The following RIN2 variants were observed in gnomAD, a reference collection of about 807,000 sequenced individuals.
RIN2 encodes Ras and Rab interactor 2.
Under a neutral mutation model 78.0 loss-of-function variants are expected in RIN2, and 36 were observed. The ratio of observed to expected loss-of-function variants is 0.46; its 90% CI spans 0.35 to 0.61. The LOEUF (loss-of-function observed/expected upper bound fraction) is 0.61, where lower values mean the gene tolerates loss of function less well. Among genes scored for constraint, RIN2 ranks in the 20% least tolerant of loss-of-function variants. RIN2 has a pLI of 0.00. For missense variants in RIN2, 1,087 were observed against 1,159.7 expected (o/e 0.94, Z 0.91); for synonymous variants, 466 against 466.8 (o/e 1.00, Z 0.02).
At position 19,871,624 on chromosome 20, in the gene RIN2, G is replaced by T. The variant is rs150897425; in HGVS notation, c.-36-17942G>T. 4.1e-3 allele frequency among the ~76,000 whole-genome samples: 620 copies of T among 152,296 alleles called. 2 individuals are homozygous for T. The highest frequency in any genetic ancestry group is 7.1e-3 in the Non-Finnish European group (481 of 68,030). Reference sequence around the variant, plus strand: ...GTTGGCTTGTTCTAGGTTTGGCTGGGAGTTAGGGCATGCATTGCCACGTGT... The same window carrying T: ...GTTGGCTTGTTCTAGGTTTGGCTGGTAGTTAGGGCATGCATTGCCACGTGT... On this transcript the variant is annotated intron_variant, in intron 2 of 12. Coordinates refer to ENST00000255006, the MANE Select transcript of RIN2 (RefSeq NM_018993.4).
rs538341600 is a variant in RIN2 at position 19,934,097 on chromosome 20, G to A, written c.58-1002G>A. Among the ~76,000 whole-genome samples the A allele has an allele frequency of 5.3e-5, 8 of 152,234 alleles. No homozygotes were observed. The East Asian group carries it at 1.4e-3, about 26-fold the overall frequency. On this transcript the variant is annotated intron_variant, in intron 3 of 12. Transcript: ENST00000255006. ...AGTGCTGGGATTACAGGCAAGAGCC[G>A]CTATGCCTGGCCAATGCTCTTAAAA...
chr20:19,849,738 T>C (rs1240387005), intron 2 of RIN2, among the ~76,000 whole-genome samples: 5 of 152,152 alleles, frequency 3.3e-5, no homozygotes, highest in African/African-American at 1.2e-4. Flanking sequence ...AGGAAATAGT[T>C]TTAAAAGGAA....
intron 2 of RIN2, among the ~76,000 whole-genome samples, chr20:19,810,026 G>A (rs1386386616): frequency 6.6e-6 from 1 of 151,842 alleles, no homozygotes; most frequent in African/African-American, 2.4e-5. Flanking sequence ...CCGGCTGACT[G>A]CAAGGCCAAG....
intron 2 of RIN2, among the ~76,000 whole-genome samples, chr20:19,820,918 T>TA (rs774394069): frequency 1.2e-4 from 19 of 152,200 alleles, no homozygotes; most frequent in Admixed American, 3.9e-4. Flanking sequence ...CCCACCAAGC[T>TA]ACCAAGGGTT....
At chr20:19,938,396 T>A (rs1334783344) in intron 4 of RIN2, among the ~76,000 whole-genome samples, 1 of 151,596 alleles carries the variant, frequency 6.6e-6, no homozygotes, top group African/African-American at 2.4e-5. Context: ...TTTTTTTTTT[T>A]AATTTTTGGT....
chr20:19,781,349 C>A (rs962389323), intron 1 of RIN2, among the ~76,000 whole-genome samples: 1 of 152,134 alleles, frequency 6.6e-6, no homozygotes, highest in East Asian at 1.9e-4. Context: ...AAGAGAACAT[C>A]GATAATGACT....
chr20:19,905,176 A>G (rs1400528438), intron 3 of RIN2, among the ~76,000 whole-genome samples: 1 of 152,124 alleles, frequency 6.6e-6, no homozygotes, highest in African/African-American at 2.4e-5. Context: ...CCGATTCAGA[A>G]TCTGCTCAGC....
chr20:19,791,252 A>G (rs2034881577), intron 1 of RIN2, among the ~76,000 whole-genome samples: 1 of 143,612 alleles, frequency 7.0e-6, no homozygotes, highest in Non-Finnish European at 1.5e-5. Context: ...ATGTATTTCT[A>G]AAACTACTGG....
chr20:19,886,740 C>A (rs183028833), intron 2 of RIN2: 2 of 1,545,652 alleles, frequency 1.3e-6, no homozygotes, highest in East Asian at 4.9e-5. Flanking sequence ...AGCTTCCAAC[C>A]GGTACAAGTC....
At position 19,912,797 on chromosome 20, in the gene RIN2, C is replaced by A. The variant is rs148356094; in HGVS notation, c.58-22302C>A. On this transcript the variant is annotated intron_variant, in intron 3 of 12. Transcript: ENST00000255006. ...ACCACGCCGGGATGGTCATTTCTAACCACCTTTTTGGGTGAACAGCAGGTT... is the reference window on the plus strand; with the variant it reads ...ACCACGCCGGGATGGTCATTTCTAAACACCTTTTTGGGTGAACAGCAGGTT... 1.6e-3 allele frequency among the ~76,000 whole-genome samples: 238 copies of A among 152,306 alleles called. 1 individual carries two copies. The highest frequency in any genetic ancestry group is 5.6e-3 in the African/African-American group (232 of 41,580).
intron 1 of RIN2, among the ~76,000 whole-genome samples, chr20:19,787,240 G>A (rs542629828): frequency 9.9e-5 from 15 of 152,044 alleles, no homozygotes; most frequent in Non-Finnish European, 1.5e-5. Context: ...GGCCAACATG[G>A]TGACACTCCA....
intron 3 of RIN2, among the ~76,000 whole-genome samples, chr20:19,906,503 C>G (rs938692852): frequency 6.6e-6 from 1 of 152,122 alleles, no homozygotes; most frequent in East Asian, 1.9e-4. Context: ...ACCTTGGATG[C>G]TTACAGGGGC....
rs114855946 is a variant in RIN2, at chr20:19,776,232, C to T, written c.-163+17905C>T. ...CCTCCTCCCTTTGGGAATTCAGGCA[C>T]AGCTGACCAACATTAACATCAACAC... is the stretch of plus-strand genomic sequence containing the variant. On this transcript the variant is annotated intron_variant, in intron 1 of 12. Transcript: ENST00000255006. Among the ~76,000 whole-genome samples, 411 of 152,288 alleles carry T rather than the reference C, an allele frequency of 2.7e-3. 3 individuals are homozygous for T. The highest frequency in any genetic ancestry group is 9.7e-3 in the African/African-American group (404 of 41,538).
At chr20:19,922,563 G>A (rs1568612779) in intron 3 of RIN2, among the ~76,000 whole-genome samples, 2 of 152,132 alleles carry the variant, frequency 1.3e-5, no homozygotes, top group African/African-American at 4.8e-5. Flanking sequence ...TGGAAACCTC[G>A]TCATCAATGC....
chr20:19,820,757 G>C (rs1033229682), intron 2 of RIN2, among the ~76,000 whole-genome samples: 6 of 152,134 alleles, frequency 3.9e-5, no homozygotes, highest in African/African-American at 1.4e-4. Context: ...ACTCCCTCAG[G>C]GTTTCTGATG....
At chr20:19,818,999 C>G (rs189977692) in intron 2 of RIN2, among the ~76,000 whole-genome samples, 1 of 152,248 alleles carries the variant, frequency 6.6e-6, no homozygotes, top group Non-Finnish European at 1.5e-5. Flanking sequence ...ACAGTATGTG[C>G]AATATGATCC....
At chr20:19,834,343 G>A (rs955400777) in intron 2 of RIN2, among the ~76,000 whole-genome samples, 4 of 152,344 alleles carry the variant, frequency 2.6e-5, no homozygotes, top group African/African-American at 7.2e-5. Context: ...GCCTATGGGT[G>A]ACAATAGCAG....
In RIN2 at chr20:20,000,963, C is replaced by T; in HGVS notation, c.*27C>T. The T allele has an allele frequency of 6.4e-7, 1 of 1,566,522 alleles. No individual in the cohort carries two copies. Among genetic ancestry groups the T allele is most frequent in the Non-Finnish European group, 8.7e-7 (1 of 1,152,808 alleles). On this transcript the variant is annotated 3_prime_UTR_variant, in exon 13 of 13. Coordinates refer to ENST00000255006, the MANE Select transcript of RIN2 (RefSeq NM_018993.4). ...AGACAGGCGGGACTTCCCAGTGGTG[C>T]ATCCAAAGGGGAGCTGGAAGCCTTG...
intron 2 of RIN2, among the ~76,000 whole-genome samples, chr20:19,800,380 C>T (rs1464413337): frequency 6.6e-6 from 1 of 152,218 alleles, no homozygotes; most frequent in Non-Finnish European, 1.5e-5. Context: ...ACTCCTCCAT[C>T]AAGTGGAGAG....
Sources: allele counts gnomAD v4.1 joint callset (sites outside exome capture counted in the v4.1 genomes callset), GRCh38; gene constraint gnomAD v4.1.1; transcripts MANE v1.5; gene names NCBI Gene and HGNC (gene_info 2026-07-23, HGNC 2026-07-21).